Variants in BMP8A observed in about 807,000 individuals in gnomAD.
The protein encoded by BMP8A is bone morphogenetic protein 8a, also known as BMP-8A.
A neutral mutation model predicts 36.8 loss-of-function variants in BMP8A; 14 were observed. The observed-to-expected ratio is 0.38, with a 90% CI of 0.25 to 0.60. The LOEUF is 0.60. Ranked by LOEUF, BMP8A falls within the 20% of genes least tolerant of loss-of-function variation. The pLI is 0.63. For missense variants in BMP8A, 267 were observed against 551.1 expected (o/e 0.48, Z 5.16); for synonymous variants, 120 against 237.7 (o/e 0.50, Z 4.55).
chr1:39,494,839 A>G (rs1236849465), intron 1 of BMP8A, among the ~76,000 whole-genome samples: 1 of 152,140 alleles, frequency 6.6e-6, no homozygotes, highest in Non-Finnish European at 1.5e-5. Flanking sequence ...TGAGCACTTC[A>G]TGAAGACTCG....
At position 39,522,402 on chromosome 1, in the gene BMP8A, G is replaced by C. The variant is rs759500571; in HGVS notation, c.869-1G>C. The C allele has an allele frequency of 1.3e-6, 2 of 1,590,292 alleles. No individual in the cohort carries two copies. Among genetic ancestry groups the C allele is most frequent in the African/African-American group, 2.7e-5 (2 of 74,428 alleles). On this transcript the variant is annotated splice_acceptor_variant, in intron 4 of 6. Coordinates refer to ENST00000331593, the MANE Select transcript of BMP8A (RefSeq NM_181809.4). LOFTEE classifies it high-confidence loss of function. ...AGACCTTGCCCCTTCTGTCCCTGCA[G>C]ATGACGTCCGCGGCTCCCACGGCCG...
chr1:39,492,618 G>T (rs1271183875), intron 1 of BMP8A, among the ~76,000 whole-genome samples: 1 of 152,238 alleles, frequency 6.6e-6, no homozygotes, highest in Non-Finnish European at 1.5e-5. Flanking sequence ...GCCCACCTGG[G>T]CTGCCCCGGG....
rs560716104 is a variant in BMP8A at position 39,527,846 on chromosome 1, T to C, written c.*2048T>C. Reference sequence around the variant, plus strand: ...GTTTCTCATCTGCAACATGAGGACATAGGACTCTTTAATTCCAAAGGCTCT... The same window carrying C: ...GTTTCTCATCTGCAACATGAGGACACAGGACTCTTTAATTCCAAAGGCTCT... On this transcript the variant is annotated 3_prime_UTR_variant, in exon 7 of 7. Transcript: ENST00000331593. 1.3e-5 allele frequency among the ~76,000 whole-genome samples: 2 copies of C among 152,318 alleles called. No homozygotes were observed. Among genetic ancestry groups the C allele is most frequent in the East Asian group, 1.9e-4 (1 of 5,188 alleles).
At chr1:39,514,821 A>G (rs990446974) in intron 3 of BMP8A, 98 of 1,207,004 alleles carry the variant, frequency 8.1e-5, no homozygotes, top group Non-Finnish European at 9.9e-5. Flanking sequence ...CCTGGCCTAG[A>G]GCCTGCGCCT....
At chr1:39,496,129 T>C (rs1177571865) in intron 1 of BMP8A, among the ~76,000 whole-genome samples, 3 of 152,194 alleles carry the variant, frequency 2.0e-5, no homozygotes, top group Admixed American at 2.0e-4. Context: ...GGCCACTTCC[T>C]TTGGTTCTTT....
chr1:39,506,872 A>C (rs562921308), intron 1 of BMP8A, among the ~76,000 whole-genome samples: 1 of 152,202 alleles, frequency 6.6e-6, no homozygotes, highest in East Asian at 1.9e-4. Context: ...TGACTTCTGC[A>C]CCATTAGTAC....
rs762872008 is a variant in BMP8A, at chr1:39,492,201, C to G, written c.210C>G (p.Pro70=). The change falls in exon 1 of 7, where the codon CCC becomes CCG. Residue 70 remains proline, a synonymous_variant. Coordinates refer to ENST00000331593, the MANE Select transcript of BMP8A (RefSeq NM_181809.4). Reference sequence around the variant, plus strand: ...CGCCACCCGCCGCCTCCCGGCTGCCCGCGTCCGCGCCGCTCTTCATGCTGG... The same window carrying G: ...CGCCACCCGCCGCCTCCCGGCTGCCGGCGTCCGCGCCGCTCTTCATGCTGG... ...PRAPPAASRL[P]ASAPLFMLDL... The G allele has an allele frequency of 1.4e-5, 20 of 1,394,382 alleles. No individual in the cohort carries two copies. In the East Asian group the frequency reaches 3.6e-4, roughly 25 times the overall value. The allele number at this position is 1,394,382 out of a possible 1,614,324, so 86.4% of individuals were successfully genotyped here.
At chr1:39,492,347 G>A (rs760068668) in intron 1 of BMP8A, 22 bp downstream of exon 1, 2 of 1,531,794 alleles carry the variant, frequency 1.3e-6, no homozygotes, top group African/African-American at 1.4e-5. Context: ...CGCCCGCGCG[G>A]GGACCCTCGG....
chr1:39,495,612 C>CT lies in BMP8A; in HGVS notation c.334+3290dup, dbSNP rs1645198307. 2.1e-5 allele frequency among the ~76,000 whole-genome samples: 3 copies of CT among 143,890 alleles called. No homozygotes were observed. In the South Asian group the frequency reaches 7.1e-4, roughly 34 times the overall value. The allele number at this position is 143,890 out of a possible 152,430, so 94.4% of individuals were successfully genotyped here. ...GGCCCTTCCCTTCCCTGGGCCTCTGCTTTCTCGTCCATTCTACGGTGATGG... is the reference window on the plus strand; with the variant it reads ...GGCCCTTCCCTTCCCTGGGCCTCTGCTTTTCTCGTCCATTCTACGGTGATGG... On this transcript the variant is annotated intron_variant, in intron 1 of 6. Transcript: ENST00000331593.
chr1:39,496,117 A>G (rs1645203132), intron 1 of BMP8A, among the ~76,000 whole-genome samples: 1 of 152,208 alleles, frequency 6.6e-6, no homozygotes, highest in African/African-American at 2.4e-5. Context: ...CGTGGGCCCC[A>G]GGGCCACTTC....
At chr1:39,497,752 C>T (rs1645217772) in intron 1 of BMP8A, among the ~76,000 whole-genome samples, 1 of 152,216 alleles carries the variant, frequency 6.6e-6, no homozygotes, top group Non-Finnish European at 1.5e-5. Context: ...TGCCCCTGCC[C>T]CCCACCCCGT....
rs540488462 is a variant in BMP8A at position 39,493,869 on chromosome 1, G to A, written c.334+1544G>A. ...AGTCGTCCAAGAATGTCCCCAGGGA[G>A]CCGCCCATCAGAATGCGTCACCACC... On this transcript the variant is annotated intron_variant, in intron 1 of 6. Coordinates refer to ENST00000331593, the MANE Select transcript of BMP8A (RefSeq NM_181809.4). 2.0e-5 allele frequency among the ~76,000 whole-genome samples: 3 copies of A among 152,316 alleles called. No individual in the cohort carries two copies. The South Asian group carries it at 6.2e-4, about 32-fold the overall frequency.
rs1425081230 is a variant in BMP8A at position 39,528,583 on chromosome 1, T to C, written c.*2785T>C. 6.6e-6 allele frequency among the ~76,000 whole-genome samples: 1 copy of C among 152,104 alleles called. No homozygotes were observed. Among genetic ancestry groups the C allele is most frequent in the African/African-American group, 2.4e-5 (1 of 41,424 alleles). On this transcript the variant is annotated 3_prime_UTR_variant, in exon 7 of 7. Coordinates refer to ENST00000331593, the MANE Select transcript of BMP8A (RefSeq NM_181809.4). ...AAAGTCCTGTTTCTTTGTCTTTACATAGGGACCGGGCGATGCGCTTTAGAG... is the reference window on the plus strand; with the variant it reads ...AAAGTCCTGTTTCTTTGTCTTTACACAGGGACCGGGCGATGCGCTTTAGAG...
At chr1:39,507,182 A>G (rs568284942) in intron 1 of BMP8A, among the ~76,000 whole-genome samples, 1 of 152,316 alleles carries the variant, frequency 6.6e-6, no homozygotes, top group African/African-American at 2.4e-5. Context: ...ATCTCAGATG[A>G]TCGGGATCAG....
intron 1 of BMP8A, among the ~76,000 whole-genome samples, chr1:39,503,172 A>G (rs1645266918): frequency 6.6e-6 from 1 of 152,206 alleles, no homozygotes; most frequent in African/African-American, 2.4e-5. Context: ...CCTGGACAAG[A>G]TGGCAAGACC....
At position 39,529,854 on chromosome 1, in the gene BMP8A, T is replaced by A. The variant is rs1484174463; in HGVS notation, c.*4056T>A. ...TTTTGAAAGTTTCTGTGATTAAATG[T>A]TCTTTGAAAACATAACTTTTAGCAG... On this transcript the variant is annotated 3_prime_UTR_variant, in exon 7 of 7. Coordinates refer to ENST00000331593, the MANE Select transcript of BMP8A (RefSeq NM_181809.4). Among the ~76,000 whole-genome samples the A allele has an allele frequency of 1.3e-5, 2 of 152,232 alleles. No individual in the cohort carries two copies. The highest frequency in any genetic ancestry group is 1.5e-5 in the Non-Finnish European group (1 of 68,036).
chr1:39,494,026 G>C (rs547926166), intron 1 of BMP8A, among the ~76,000 whole-genome samples: 3 of 152,358 alleles, frequency 2.0e-5, no homozygotes, highest in Non-Finnish European at 2.9e-5. Context: ...TCTCAGCCTT[G>C]GTTGCTCCTT....
rs1304217784 is a variant in BMP8A, at chr1:39,527,947, T to C, written c.*2149T>C. Among the ~76,000 whole-genome samples, 2 of 152,232 alleles carry C rather than the reference T, an allele frequency of 1.3e-5. No homozygotes were observed. Among genetic ancestry groups the C allele is most frequent in the Admixed American group, 6.5e-5 (1 of 15,284 alleles). The stretch of plus-strand genomic sequence containing the variant: ...ACATGGCCTGAGCCCCCTGCTGCCA[T>C]AGGACTTGGGGCCTATCTGCCATTG... On this transcript the variant is annotated 3_prime_UTR_variant, in exon 7 of 7. Coordinates refer to ENST00000331593, the MANE Select transcript of BMP8A (RefSeq NM_181809.4).
chr1:39,525,172 GGAGAGGGGGC>G, intron 6 of BMP8A: 1 of 168,736 alleles, frequency 5.9e-6, no homozygotes, highest in East Asian at 1.7e-4. Context: ...GAGCAGCACA[GGAGAGGGGGC>G]GAGGCCTGGC....
Sources: allele counts gnomAD v4.1 joint callset (sites outside exome capture counted in the v4.1 genomes callset), GRCh38; gene constraint gnomAD v4.1.1; transcripts MANE v1.5; gene names NCBI Gene and HGNC (gene_info 2026-07-23, HGNC 2026-07-21).